Variants in COL4A6 observed in about 807,000 individuals in gnomAD.
COL4A6 encodes the protein collagen type IV alpha 6 chain.
A neutral mutation model predicts 126.7 loss-of-function variants in COL4A6; 59 were observed. That is an observed-to-expected ratio of 0.47 (90% CI 0.38 to 0.58). COL4A6 has a LOEUF of 0.58. COL4A6 is among the 20% of genes least tolerant of loss of function. The pLI is 0.00. For synonymous variants in COL4A6, 547 were observed against 496.6 expected, an observed-to-expected ratio of 1.10 and a Z score of -1.35; for missense variants, 1,285 against 1,337.3, an observed-to-expected ratio of 0.96 and a Z score of 0.61.
intron 2 of COL4A6, among the ~76,000 whole-genome samples, chrX:108,430,908 G>A (rs900769841): frequency 9.0e-6 from 1 of 111,696 alleles, no homozygotes; most frequent in African/African-American, 3.3e-5. Context: ...TAAGTGTTTT[G>A]TATATATCAA....
In COL4A6 at chrX:108,162,968, G is replaced by T. The variant is rs767767325; in HGVS notation, c.4140C>A (p.Pro1380=). The T allele has an allele frequency of 8.3e-7, 1 of 1,200,827 alleles. No individual in the cohort carries two copies. Among genetic ancestry groups the T allele is most frequent in the South Asian group, 1.8e-5 (1 of 54,985 alleles). ...TGCCATCGATCCCTGGTAGACCCAAGGGTCCAGGAGGAACCTGGACAGCTT... is the reference window on the plus strand; with the variant it reads ...TGCCATCGATCCCTGGTAGACCCAATGGTCCAGGAGGAACCTGGACAGCTT... The part of the protein sequence containing the change: ...TAEAVQVPPG[P]LGLPGIDGIP... Residue 1380 remains proline (P), a synonymous_variant, in exon 41 of 45, where the codon CCC becomes CCA. Coordinates refer to ENST00000334504, the MANE Select transcript of COL4A6 (RefSeq NM_033641.4).
chrX:108,161,415 A>G (rs773072641), intron 42 of COL4A6, among the ~76,000 whole-genome samples: 4 of 111,763 alleles, frequency 3.6e-5, no homozygotes, highest in Non-Finnish European at 7.5e-5. Context: ...TTTGCCTTCC[A>G]GAACGTAGGG....
intron 2 of COL4A6, among the ~76,000 whole-genome samples, chrX:108,326,060 A>AG (rs1400150458): frequency 8.9e-6 from 1 of 112,035 alleles, no homozygotes; most frequent in Admixed American, 9.5e-5. Flanking sequence ...ATTGTGCTAC[A>AG]GGTTCTAGCC....
chrX:108,286,901 C>T (rs959116693), intron 3 of COL4A6, among the ~76,000 whole-genome samples: 1 of 111,677 alleles, frequency 9.0e-6, no homozygotes, highest in African/African-American at 3.3e-5. Flanking sequence ...AATGGAGGGG[C>T]ATACTCCTTT....
chrX:108,266,174 G>C (rs1487867638), intron 3 of COL4A6, among the ~76,000 whole-genome samples: 3 of 111,494 alleles, frequency 2.7e-5, no homozygotes. Context: ...TGGGAAGATA[G>C]AGCATGAGGG....
chrX:108,205,698 A>G lies in COL4A6; in HGVS notation c.610-3T>C. The G allele has an allele frequency of 1.7e-6, 2 of 1,204,114 alleles. No homozygotes were observed. The highest frequency in any genetic ancestry group is 1.8e-5 in the South Asian group (1 of 56,131). On this transcript the variant is annotated splice_polypyrimidine_tract_variant and splice_region_variant and intron_variant, in intron 9 of 44. Coordinates refer to ENST00000334504, the MANE Select transcript of COL4A6 (RefSeq NM_033641.4). ...GGACCAGGAGGCCCTGGAGGACCCT[A>G]GATTTTTTTTAAAAATAAGAAAGAG...
At chrX:108,161,872 C>T in intron 41 of COL4A6, 137 bp from the exon 42 acceptor site, 1 of 443,651 alleles carries the variant, frequency 2.3e-6, no homozygotes, top group Non-Finnish European at 4.0e-6. Context: ...GGTGTGCACA[C>T]TGCACATCAA....
rs1459471740 is a variant in COL4A6 at position 108,160,493 on chromosome X, C to T, written c.4495G>A (p.Gly1499Arg). 1 of 1,206,699 alleles carries T rather than the reference C, an allele frequency of 8.3e-7. No homozygotes were observed. Among genetic ancestry groups the T allele is most frequent in the Non-Finnish European group, 1.1e-6 (1 of 893,213 alleles). Residue 1499 changes from glycine (G) to arginine (R), a missense_variant, in exon 43 of 45, where the codon GGG becomes AGG. By Grantham distance (125) the Gly-to-Arg change is moderately radical. Coordinates refer to ENST00000334504, the MANE Select transcript of COL4A6 (RefSeq NM_033641.4). ...TCCTGGTTGTGGGCTTTCTCTTGCC[C>T]CTCCACAAACAGTAAGCTGTACCCC... is the stretch of plus-strand genomic sequence containing the variant. ...WVGYSLLFVE[G>R]QEKAHNQDLG...
chrX:108,340,095 C>T (rs773027891), intron 2 of COL4A6, among the ~76,000 whole-genome samples: 7 of 111,154 alleles, frequency 6.3e-5, no homozygotes, highest in Non-Finnish European at 9.4e-5. Flanking sequence ...TCATTCACTC[C>T]ATAGCTATTT....
intron 31 of COL4A6, among the ~76,000 whole-genome samples, chrX:108,173,461 GGTGTGTGTGTGT>G (rs56782024): frequency 5.2e-4 from 53 of 101,102 alleles, no homozygotes; most frequent in South Asian, 1.9e-3. Context: ...AATTGCTTCA[GGTGTGTGTGTGT>G]GTGTGTGTGT....
rs2034284289 is a variant in COL4A6, at chrX:108,171,028, A to T, written c.3278-111T>A. On this transcript the variant is annotated intron_variant, in intron 33 of 44. Transcript: ENST00000334504. ...TGAAGGAGCTAGACCCAATGAAGAA[A>T]CTCTAAAAAAGATAGTGGTGGCTGT... is the stretch of plus-strand genomic sequence containing the variant. The T allele has an allele frequency of 3.2e-5, 22 of 684,522 alleles. No individual in the cohort carries two copies. In the South Asian group the frequency reaches 6.0e-4, roughly 19 times the overall value. The allele number at this position is 684,522 out of a possible 1,213,427, so 56.4% of individuals were successfully genotyped here.
chrX:108,173,495 TGTGC>T (rs1308430708), intron 31 of COL4A6, among the ~76,000 whole-genome samples: 220 of 105,077 alleles, frequency 2.1e-3, no homozygotes, highest in African/African-American at 6.7e-3. Context: ...TGTGTGTGTG[TGTGC>T]ACGCACACAC....
chrX:108,328,698 T>C (rs111530412), intron 2 of COL4A6, among the ~76,000 whole-genome samples: 132 of 112,249 alleles, frequency 1.2e-3, no homozygotes, highest in African/African-American at 3.8e-3. Flanking sequence ...CTTCATGATC[T>C]GGCAATTCCA....
intron 3 of COL4A6, among the ~76,000 whole-genome samples, chrX:108,276,325 C>T (rs762526475): frequency 1.8e-5 from 2 of 112,799 alleles, no homozygotes; most frequent in Admixed American, 1.9e-4. Context: ...CACCAACTGA[C>T]ATGAAATTGA....
At chrX:108,164,560 C>T in intron 40 of COL4A6, 40 bp downstream of exon 40, 1 of 1,162,669 alleles carries the variant, frequency 8.6e-7, no homozygotes, top group African/African-American at 1.8e-5. Context: ...AGGCCCCTCC[C>T]TCGAGCTCTG....
chrX:108,362,543 C>T (rs918827155), intron 2 of COL4A6, among the ~76,000 whole-genome samples: 1 of 111,558 alleles, frequency 9.0e-6, no homozygotes, highest in Non-Finnish European at 1.9e-5. Flanking sequence ...GGGCTGGGCT[C>T]CCAATCCAAA....
chrX:108,285,607 C>T (rs1438751186), intron 3 of COL4A6, among the ~76,000 whole-genome samples: 1 of 111,381 alleles, frequency 9.0e-6, no homozygotes, highest in Admixed American at 9.5e-5. Flanking sequence ...GTGCAAAATG[C>T]TCTGCAGGAA....
intron 3 of COL4A6, among the ~76,000 whole-genome samples, chrX:108,232,217 G>T (rs73636385): frequency 0.018 from 2,030 of 111,480 alleles, 32 homozygotes; most frequent in East Asian, 0.076. Flanking sequence ...GAATCTTCAG[G>T]TCTCCTTTTC....
chrX:108,165,565 G>T, intron 37 of COL4A6, 79 bp from the exon 38 acceptor site: 1 of 680,422 alleles, frequency 1.5e-6, no homozygotes, highest in Non-Finnish European at 2.2e-6. Context: ...GAAAATGGAA[G>T]CTCACACAGA....
Sources: allele counts gnomAD v4.1 joint callset (sites outside exome capture counted in the v4.1 genomes callset), GRCh38; gene constraint gnomAD v4.1.1; transcripts MANE v1.5; gene names NCBI Gene and HGNC (gene_info 2026-07-23, HGNC 2026-07-21).